Variants in ABAT observed in about 807,000 individuals in gnomAD.
ABAT encodes 4-aminobutyrate aminotransferase, mitochondrial.
ABAT carries 45 observed loss-of-function variants against 64.6 expected under a neutral mutation model. The ratio of observed to expected loss-of-function variants is 0.70; its 90% CI spans 0.55 to 0.89. The LOEUF (loss-of-function observed/expected upper bound fraction) is 0.89, where lower values mean the gene tolerates loss of function less well. ABAT is among the 40% of genes least tolerant of loss of function. ABAT has a pLI of 0.00. For synonymous variants in ABAT, 297 were observed against 250.5 expected, an observed-to-expected ratio of 1.19 and a Z score of -1.75; for missense variants, 633 against 658.4, an observed-to-expected ratio of 0.96 and a Z score of 0.42.
intron 3 of ABAT, among the ~76,000 whole-genome samples, chr16:8,747,023 G>C (rs1288838994): frequency 6.6e-6 from 1 of 152,178 alleles, no homozygotes; most frequent in Admixed American, 6.5e-5. Flanking sequence ...GCTAGATGGG[G>C]CTTGTCCTCA....
chr16:8,743,422 G>GC (rs2059225775), intron 2 of ABAT, among the ~76,000 whole-genome samples: 4 of 20,978 alleles, frequency 1.9e-4, no homozygotes, highest in African/African-American at 1.6e-3. Context: ...AATGGAAACA[G>GC]TTATATATAT....
chr16:8,770,291 C>G (rs1596468633), intron 11 of ABAT, among the ~76,000 whole-genome samples: 1 of 152,058 alleles, frequency 6.6e-6, no homozygotes, highest in Non-Finnish European at 1.5e-5. Flanking sequence ...GCGCTTGACA[C>G]CACACCCGGC....
rs756934134 is a variant in ABAT, at chr16:8,776,321, C to G, written c.1123-23C>G. 2 of 1,613,966 alleles carry G rather than the reference C, an allele frequency of 1.2e-6. No homozygotes were observed. The highest frequency in any genetic ancestry group is 1.7e-6 in the Non-Finnish European group (2 of 1,180,020). ...AGGGTGTGCATGTGTGTGAAGCCTTCCAACACCCGTTCCTCATTCCAGCCC... is the reference window on the plus strand; with the variant it reads ...AGGGTGTGCATGTGTGTGAAGCCTTGCAACACCCGTTCCTCATTCCAGCCC... On this transcript the variant is annotated intron_variant, in intron 13 of 15. Transcript: ENST00000268251. The surrounding 1 kb of genome is among the most constrained non-coding windows in gnomAD (Gnocchi z 4.4).
intron 1 of ABAT, chr16:8,731,666 C>T (rs1197186877): frequency 6.6e-6 from 1 of 151,170 alleles, no homozygotes; most frequent in Non-Finnish European, 1.5e-5. Flanking sequence ...TTAAAAATCA[C>T]ACAGATAACA....
intron 2 of ABAT, among the ~76,000 whole-genome samples, chr16:8,738,148 C>A (rs7189861): frequency 1.3e-5 from 2 of 150,648 alleles, no homozygotes; most frequent in African/African-American, 4.9e-5. Context: ...TAGGGAGACC[C>A]TGTCTCTGTG....
At chr16:8,685,012 T>C (rs1355075478) in intron 1 of ABAT, among the ~76,000 whole-genome samples, 1 of 152,056 alleles carries the variant, frequency 6.6e-6, no homozygotes, top group Non-Finnish European at 1.5e-5. Flanking sequence ...AGGCCAGGCA[T>C]GGTGGTTCAT....
intron 9 of ABAT, among the ~76,000 whole-genome samples, chr16:8,766,613 C>A (rs1013095007): frequency 1.5e-4 from 23 of 152,090 alleles, no homozygotes; most frequent in African/African-American, 5.3e-4. Flanking sequence ...CGAGATCACA[C>A]CACTACACTC....
intron 6 of ABAT, among the ~76,000 whole-genome samples, chr16:8,759,558 G>C (rs1046280018): frequency 6.6e-6 from 1 of 152,108 alleles, no homozygotes; most frequent in Non-Finnish European, 1.5e-5. Flanking sequence ...TGCTGCCCAG[G>C]CTAGAGTGCA....
intron 2 of ABAT, among the ~76,000 whole-genome samples, chr16:8,742,897 G>A (rs553669012): frequency 4.9e-4 from 72 of 147,768 alleles, no homozygotes; most frequent in African/African-American, 1.6e-3. Flanking sequence ...GTAGCCGGGC[G>A]CAGTGTTGTG....
rs77651291 is a variant in ABAT at position 8,720,744 on chromosome 16, C to G, written c.-41-14955C>G. 2.9e-3 allele frequency: 442 copies of G among 152,374 alleles called. 2 individuals carry two copies. The highest frequency in any genetic ancestry group is 0.01 in the African/African-American group (426 of 41,584). The allele number at this position is 152,374 out of a possible 1,614,324, so 9.4% of individuals were successfully genotyped here. On this transcript the variant is annotated intron_variant, in intron 1 of 15. Transcript: ENST00000268251. ...GTGTCCCTTTGAGTCTGCAGAGAAG[C>G]CAGCAGCTGGGGCTGCAGACGGGAA... is the stretch of plus-strand genomic sequence containing the variant.
chr16:8,695,770 G>A (rs2057687937), intron 1 of ABAT, among the ~76,000 whole-genome samples: 1 of 152,246 alleles, frequency 6.6e-6, no homozygotes, highest in Non-Finnish European at 1.5e-5. Context: ...CTCGAAGTCA[G>A]TAGAGATACA....
rs1596464284 is a variant in ABAT, at chr16:8,764,122, G to A, written c.420G>A (p.Val140=). Residue 140 remains valine (V), a synonymous_variant, in exon 7 of 16, where the codon GTG becomes GTA. Transcript: ENST00000268251. The surrounding 1 kb of genome is among the most constrained non-coding windows in gnomAD (Gnocchi z 4.2). ...ALGILPPENF[V]EKLRQSLLSV... ...GAATCCTGCCTCCGGAGAACTTTGTGGAGAAGCTCCGGCAGTCCTTGCTCT... is the reference window on the plus strand; with the variant it reads ...GAATCCTGCCTCCGGAGAACTTTGTAGAGAAGCTCCGGCAGTCCTTGCTCT... The A allele has an allele frequency of 6.2e-7, 1 of 1,613,512 alleles. No homozygotes were observed. The highest frequency in any genetic ancestry group is 1.7e-5 in the Admixed American group (1 of 59,980).
At chr16:8,723,294 G>A (rs2058428583) in intron 1 of ABAT, among the ~76,000 whole-genome samples, 1 of 152,170 alleles carries the variant, frequency 6.6e-6, no homozygotes, top group African/African-American at 2.4e-5. Flanking sequence ...TCATCCAGGA[G>A]AAGGATGATG....
At chr16:8,743,444 T>TGTATATATATATATATATATAC (rs1555489337) in intron 2 of ABAT, among the ~76,000 whole-genome samples, 2 of 117,702 alleles carry the variant, frequency 1.7e-5, no homozygotes, top group African/African-American at 3.7e-5. Context: ...TATATATATA[T>TGTATATATATATATATATATAC]ACACACATTT....
intron 1 of ABAT, among the ~76,000 whole-genome samples, chr16:8,688,941 G>C (rs1349299328): frequency 6.6e-6 from 1 of 152,116 alleles, no homozygotes; most frequent in Non-Finnish European, 1.5e-5. Flanking sequence ...TTAGCCGGGC[G>C]TGGTGGCAGG....
intron 1 of ABAT, among the ~76,000 whole-genome samples, chr16:8,695,544 C>T (rs1161797527): frequency 6.6e-6 from 1 of 152,222 alleles, no homozygotes; most frequent in Non-Finnish European, 1.5e-5. Context: ...ATGTCAGCCT[C>T]AGCTTCTCAG....
chr16:8,719,005 G>A (rs555022665), intron 1 of ABAT, among the ~76,000 whole-genome samples: 14 of 152,278 alleles, frequency 9.2e-5, no homozygotes, highest in Non-Finnish European at 1.6e-4. Flanking sequence ...CGTACTTAGC[G>A]GTTTCTGGAG....
At chr16:8,720,033 G>A (rs191303776) in intron 1 of ABAT, among the ~76,000 whole-genome samples, 100 of 152,190 alleles carry the variant, frequency 6.6e-4, no homozygotes, top group African/African-American at 2.1e-3. Flanking sequence ...GGCTGGTCTC[G>A]AACTTTTGAC....
chr16:8,687,234 C>T (rs556493833), intron 1 of ABAT, among the ~76,000 whole-genome samples: 26 of 152,326 alleles, frequency 1.7e-4, no homozygotes, highest in Non-Finnish European at 3.2e-4. Context: ...GGGTCCCGCT[C>T]TTCCGGGTTC....
Sources: gnomAD v4.1 joint callset for allele counts (sites outside exome capture counted in the v4.1 genomes callset) on GRCh38, gnomAD v4.1.1 for gene constraint, Gnocchi (gnomAD v3.1) non-coding constraint, MANE v1.5 for transcripts, NCBI Gene and HGNC (gene_info 2026-07-23, HGNC 2026-07-21) for gene names.